Variants in RPA3 observed in about 807,000 individuals in gnomAD.
RPA3 encodes replication protein A3, also known as replication protein A 14 kDa subunit.
In RPA3, 24 loss-of-function variants were observed where a neutral mutation model predicts 13.7. That is an observed-to-expected ratio of 1.75 (90% CI 1.27 to 2.46). The LOEUF (loss-of-function observed/expected upper bound fraction) is 2.46, where lower values mean the gene tolerates loss of function less well. Ranked by LOEUF, RPA3 falls within the 30% of genes most tolerant of loss-of-function variation. The probability of loss-of-function intolerance (pLI) is 0.00; values close to 1 mark genes in which losing one functional copy is unlikely to be tolerated. For synonymous variants in RPA3, 59 were observed against 51.2 expected (o/e 1.15, Z -0.65); for missense variants, 183 against 151.0 (o/e 1.21, Z -1.11).
rs1784875727 is a variant in RPA3 at position 7,636,936 on chromosome 7, A to G, written c.*64T>C. 8.4e-7 allele frequency: 1 copy of G among 1,191,226 alleles called. No individual in the cohort carries two copies. The allele number at this position is 1,191,226 out of a possible 1,614,324, so 73.8% of individuals were successfully genotyped here. On this transcript the variant is annotated 3_prime_UTR_variant, in exon 8 of 8. Transcript: ENST00000223129. ...AGCACAGAAATCTCTCCCTCAAACA[A>G]GAAGGGCTTCCTTTAATAGACTTTA...
At chr7:7,674,168 C>A (rs1194837682) in intron 4 of RPA3, among the ~76,000 whole-genome samples, 1 of 152,174 alleles carries the variant, frequency 6.6e-6, no homozygotes, top group Non-Finnish European at 1.5e-5. Flanking sequence ...CCATGCTGGA[C>A]CTCCTCCCAC....
intron 2 of RPA3, among the ~76,000 whole-genome samples, chr7:7,705,016 C>T (rs1461364717): frequency 1.3e-5 from 2 of 152,088 alleles, no homozygotes; most frequent in Admixed American, 1.3e-4. Context: ...TGATTGTGAA[C>T]CATGGTGCTT....
chr7:7,706,324 TG>T (rs1270868691), intron 2 of RPA3, among the ~76,000 whole-genome samples: 1 of 152,186 alleles, frequency 6.6e-6, no homozygotes, highest in Non-Finnish European at 1.5e-5. Flanking sequence ...GTAGTGAGGC[TG>T]CTCATGTTAT....
intron 2 of RPA3, among the ~76,000 whole-genome samples, chr7:7,700,723 A>G (rs756747312): frequency 8.5e-5 from 13 of 152,132 alleles, no homozygotes; most frequent in Admixed American, 2.6e-4. Flanking sequence ...CCCTGTCTCT[A>G]CTAAAAATAT....
chr7:7,648,929 T>G (rs1785158406), intron 4 of RPA3, among the ~76,000 whole-genome samples: 1 of 150,482 alleles, frequency 6.6e-6, no homozygotes, highest in African/African-American at 2.4e-5. Context: ...GAGGCCGAGG[T>G]GGGTGGATCA....
chr7:7,694,311 T>C (rs1458876339), intron 2 of RPA3, among the ~76,000 whole-genome samples: 2 of 152,172 alleles, frequency 1.3e-5, no homozygotes, highest in Non-Finnish European at 2.9e-5. Flanking sequence ...CATACACATA[T>C]AATAATCACA....
At position 7,640,411 on chromosome 7, in the gene RPA3, T is replaced by C. The variant is rs779928396; in HGVS notation, c.8A>G (p.Asp3Gly). MVDMMDLPRSRIN... is the reference protein window; with the variant it reads MVGMMDLPRSRIN... Reference sequence around the variant, plus strand: ...GCGCGACCTGGGCAAGTCCATCATGTCCACCATGATTATGGTCCAAGACTG... The same window carrying C: ...GCGCGACCTGGGCAAGTCCATCATGCCCACCATGATTATGGTCCAAGACTG... Residue 3 changes from aspartate (D) to glycine (G), a missense_variant, in exon 5 of 8, where the codon GAC (aspartate) becomes GGC (glycine). Transcript: ENST00000223129. 6.2e-7 allele frequency: 1 copy of C among 1,613,816 alleles called. No homozygotes were observed. The highest frequency in any genetic ancestry group is 1.7e-5 in the Admixed American group (1 of 60,024).
At chr7:7,709,241 G>A (rs1237089064) in intron 2 of RPA3, among the ~76,000 whole-genome samples, 1 of 152,136 alleles carries the variant, frequency 6.6e-6, no homozygotes. Flanking sequence ...ATAATGTTAT[G>A]CATGGGGTTA....
At chr7:7,645,399 G>A (rs1409296770) in intron 4 of RPA3, among the ~76,000 whole-genome samples, 1 of 152,122 alleles carries the variant, frequency 6.6e-6, no homozygotes, top group African/African-American at 2.4e-5. Flanking sequence ...AAGACTCAGG[G>A]CCCCAGGTTC....
At chr7:7,669,691 G>C (rs1006081606) in intron 4 of RPA3, among the ~76,000 whole-genome samples, 14 of 152,210 alleles carry the variant, frequency 9.2e-5, no homozygotes, top group African/African-American at 2.9e-4. Flanking sequence ...ACAACATCTT[G>C]AGGTGGACTG....
At chr7:7,656,830 A>G (rs1284731095) in intron 4 of RPA3, among the ~76,000 whole-genome samples, 3 of 152,244 alleles carry the variant, frequency 2.0e-5, no homozygotes, top group Non-Finnish European at 4.4e-5. Flanking sequence ...GTATATACCC[A>G]GTAATGGGAT....
At chr7:7,672,502 C>T (rs938095122) in intron 4 of RPA3, among the ~76,000 whole-genome samples, 1 of 152,104 alleles carries the variant, frequency 6.6e-6, no homozygotes, top group Non-Finnish European at 1.5e-5. Flanking sequence ...TTGTCCCCAC[C>T]CAAATCTCAC....
chr7:7,663,435 C>T (rs889473241), intron 4 of RPA3, among the ~76,000 whole-genome samples: 1 of 152,066 alleles, frequency 6.6e-6, no homozygotes, highest in Admixed American at 6.5e-5. Flanking sequence ...TCTTGCTTAT[C>T]CTCTCAGGCA....
chr7:7,661,314 C>A (rs550306801), intron 4 of RPA3, among the ~76,000 whole-genome samples: 1 of 152,306 alleles, frequency 6.6e-6, no homozygotes, highest in Admixed American at 6.5e-5. Flanking sequence ...AAGCCTCCTT[C>A]TTTCAATTTG....
rs1269725955 is a variant in RPA3, at chr7:7,687,338, CA to C, written c.-1027-11del. 1 of 152,170 alleles carries C rather than the reference CA, an allele frequency of 6.6e-6. No individual in the cohort carries two copies. Among genetic ancestry groups the C allele is most frequent in the Non-Finnish European group, 1.5e-5 (1 of 68,034 alleles). 9.4% of individuals were successfully genotyped at this position (152,170 alleles called of 1,614,324 possible). A position where few individuals can be genotyped will look rare whatever the true frequency, so the allele number is the denominator to read the frequency against. On this transcript the variant is annotated splice_polypyrimidine_tract_variant and intron_variant, in intron 2 of 7. Transcript: ENST00000223129. ...GAAACTGTACACAGATCTGCACTGA[CA>C]AAAGGGAGTACAAAGAACTTGTAAT... is the stretch of plus-strand genomic sequence containing the variant.
At chr7:7,652,741 A>G (rs1347062215) in intron 4 of RPA3, among the ~76,000 whole-genome samples, 4 of 152,254 alleles carry the variant, frequency 2.6e-5, no homozygotes, top group African/African-American at 9.6e-5. Flanking sequence ...TGAATTAAAT[A>G]GTGAACAAAC....
At chr7:7,696,079 C>T (rs556610904) in intron 2 of RPA3, among the ~76,000 whole-genome samples, 1 of 149,072 alleles carries the variant, frequency 6.7e-6, no homozygotes, top group South Asian at 2.2e-4. Context: ...GATCACAGCT[C>T]ACTGCAGCCT....
intron 2 of RPA3, among the ~76,000 whole-genome samples, chr7:7,714,732 T>G (rs1311102002): frequency 6.6e-6 from 1 of 152,058 alleles, no homozygotes; most frequent in Non-Finnish European, 1.5e-5. Context: ...AAAACCTTCC[T>G]GGGGGAAGGT....
intron 4 of RPA3, among the ~76,000 whole-genome samples, chr7:7,654,918 A>AAT (rs1554309832): frequency 2.7e-5 from 4 of 148,506 alleles, no homozygotes; most frequent in African/African-American, 9.8e-5. Context: ...AAAAAAAAAA[A>AAT]TTTGTGATAT....
Sources: allele counts gnomAD v4.1 joint callset (sites outside exome capture counted in the v4.1 genomes callset), GRCh38; gene constraint gnomAD v4.1.1; transcripts MANE v1.5; gene names NCBI Gene and HGNC (gene_info 2026-07-23, HGNC 2026-07-21).